Variants in KCNK13 observed in about 807,000 individuals in gnomAD.
KCNK13 encodes potassium two pore domain channel subfamily K member 13.
In KCNK13, 12 loss-of-function variants were observed where a neutral mutation model predicts 23.4. The ratio of observed to expected loss-of-function variants is 0.51; its 90% CI spans 0.33 to 0.83. The LOEUF (loss-of-function observed/expected upper bound fraction) is 0.83. Among genes scored for constraint, KCNK13 ranks in the 40% least tolerant of loss-of-function variants. The probability of loss-of-function intolerance (pLI) is 0.02; values close to 1 mark genes in which losing one functional copy is unlikely to be tolerated. For synonymous variants in KCNK13, 231 were observed against 229.5 expected (o/e 1.01, Z -0.06); for missense variants, 463 against 556.3 (o/e 0.83, Z 1.69).
In KCNK13 at chr14:90,066,270, A is replaced by AT. The variant is rs773031092; in HGVS notation, c.334+3738dup. Among the ~76,000 whole-genome samples the AT allele has an allele frequency of 2.3e-3, 322 of 142,690 alleles. 2 individuals carry two copies. Among genetic ancestry groups the AT allele is most frequent in the Non-Finnish European group, 2.1e-3 (139 of 65,880 alleles). The allele number at this position is 142,690 out of a possible 152,430, so 93.6% of individuals were successfully genotyped here. A position where few individuals can be genotyped will look rare whatever the true frequency, so the allele number is the denominator to read the frequency against. ...GGATTACAGGTGTGACCCACTTTTT[A>AT]TTTTTTTATTTTTTGAGGGAGTCTC... On this transcript the variant is annotated intron_variant, in intron 1 of 1. Transcript: ENST00000282146.
chr14:90,110,861 T>G (rs1451236481), intron 1 of KCNK13, among the ~76,000 whole-genome samples: 2 of 151,856 alleles, frequency 1.3e-5, no homozygotes, highest in African/African-American at 4.8e-5. Flanking sequence ...ATACAAAAAT[T>G]AGCTGGACAT....
chr14:90,104,803 T>C (rs1239745271), intron 1 of KCNK13, among the ~76,000 whole-genome samples: 1 of 148,610 alleles, frequency 6.7e-6, no homozygotes. Flanking sequence ...TTTTTTTTTT[T>C]TTTTTTGAGA....
At position 90,094,645 on chromosome 14, in the gene KCNK13, C is replaced by CTT. The variant is rs778654067; in HGVS notation, c.334+32127_334+32128dup. 5.6e-3 allele frequency among the ~76,000 whole-genome samples: 629 copies of CTT among 111,570 alleles called. 9 individuals carry two copies. Among genetic ancestry groups the CTT allele is most frequent in the African/African-American group, 0.011 (296 of 27,838 alleles). The allele number at this position is 111,570 out of a possible 152,430, so 73.2% of individuals were successfully genotyped here. On this transcript the variant is annotated intron_variant, in intron 1 of 1. Coordinates refer to ENST00000282146, the MANE Select transcript of KCNK13 (RefSeq NM_022054.4). ...ATTATCAGGGACTTTTCTTTTTTTT[C>CTT]TTTTTTTTTTTTTTTTTTTTTTGAG...
intron 1 of KCNK13, among the ~76,000 whole-genome samples, chr14:90,152,902 A>T (rs1040987435): frequency 6.6e-6 from 1 of 152,152 alleles, no homozygotes; most frequent in Non-Finnish European, 1.5e-5. Flanking sequence ...GGAGATCTGT[A>T]GCACAGGATC....
intron 1 of KCNK13, among the ~76,000 whole-genome samples, chr14:90,090,362 G>T (rs1297588377): frequency 6.6e-6 from 1 of 152,192 alleles, no homozygotes; most frequent in African/African-American, 2.4e-5. Context: ...CTTGCATGGG[G>T]CCTGTAACCC....
At chr14:90,121,411 A>G (rs1278758612) in intron 1 of KCNK13, among the ~76,000 whole-genome samples, 1 of 152,058 alleles carries the variant, frequency 6.6e-6, no homozygotes, top group African/African-American at 2.4e-5. Context: ...CCTTCTGGGG[A>G]GGGATGTTGT....
At chr14:90,112,279 GTTT>G (rs891297002) in intron 1 of KCNK13, among the ~76,000 whole-genome samples, 6 of 152,244 alleles carry the variant, frequency 3.9e-5, no homozygotes, top group African/African-American at 1.4e-4. Context: ...CTTTTAAAAA[GTTT>G]TTTTAAATGA....
intron 1 of KCNK13, among the ~76,000 whole-genome samples, chr14:90,091,517 A>G (rs1286332588): frequency 6.6e-6 from 1 of 152,156 alleles, no homozygotes; most frequent in Non-Finnish European, 1.5e-5. Context: ...GAAAAATAGC[A>G]TCTCTAAGGT....
At chr14:90,087,455 G>A (rs61996866) in intron 1 of KCNK13, among the ~76,000 whole-genome samples, 4,662 of 152,124 alleles carry the variant, frequency 0.031, 116 homozygotes, top group Non-Finnish European at 0.045. Flanking sequence ...GACTGCCAAA[G>A]GCTCCGGGTA....
chr14:90,161,995 G>A (rs1295416152), intron 1 of KCNK13, among the ~76,000 whole-genome samples: 3 of 152,094 alleles, frequency 2.0e-5, no homozygotes, highest in Non-Finnish European at 4.4e-5. Context: ...CCTGGGCAAT[G>A]TAACAAGACC....
chr14:90,104,066 G>A (rs1889514387), intron 1 of KCNK13, among the ~76,000 whole-genome samples: 3 of 152,116 alleles, frequency 2.0e-5, no homozygotes, highest in Non-Finnish European at 4.4e-5. Context: ...TGTTGGGCAG[G>A]AGTCAACTTC....
chr14:90,135,560 T>C (rs1199799803), intron 1 of KCNK13, among the ~76,000 whole-genome samples: 1 of 152,190 alleles, frequency 6.6e-6, no homozygotes, highest in Non-Finnish European at 1.5e-5. Flanking sequence ...ATATGGCAGA[T>C]GATTTTCACA....
chr14:90,113,688 T>C (rs1201261293), intron 1 of KCNK13, among the ~76,000 whole-genome samples: 2 of 152,192 alleles, frequency 1.3e-5, no homozygotes, highest in East Asian at 3.9e-4. Context: ...ATCCCAGCAC[T>C]TTGGGAGGCC....
At chr14:90,073,172 T>C (rs1398271664) in intron 1 of KCNK13, among the ~76,000 whole-genome samples, 2 of 152,144 alleles carry the variant, frequency 1.3e-5, no homozygotes, top group Non-Finnish European at 2.9e-5. Flanking sequence ...TCTTTTACAG[T>C]GTGGTGGCCC....
intron 1 of KCNK13, among the ~76,000 whole-genome samples, chr14:90,142,073 C>T (rs1890014687): frequency 1.3e-5 from 2 of 151,946 alleles, no homozygotes; most frequent in Admixed American, 1.3e-4. Flanking sequence ...AGGCATGAGC[C>T]ACCGTGCCCA....
chr14:90,184,968 A>T lies in KCNK13; in HGVS notation c.1192A>T (p.Asn398Tyr), dbSNP rs1221095050. The change falls in exon 2 of 2, where the codon AAC (asparagine) becomes TAC (tyrosine). Residue 398 changes from asparagine to tyrosine, a missense_variant. Coordinates refer to ENST00000282146, the MANE Select transcript of KCNK13 (RefSeq NM_022054.4). This position sits in a 1 kb window ranked among gnomAD's most constrained non-coding sequence, Gnocchi z 5.6. ...SGGVGAFAIM[N>Y]NRLAETSGDR ...GGGGGTGGGAGCCTTTGCAATCATG[A>T]ACAACAGGTTGGCAGAGACCAGTGG... 6.2e-7 allele frequency: 1 copy of T among 1,607,534 alleles called. No homozygotes were observed. The highest frequency in any genetic ancestry group is 8.5e-7 in the Non-Finnish European group (1 of 1,176,462).
intron 1 of KCNK13, among the ~76,000 whole-genome samples, chr14:90,066,638 G>A (rs1889013012): frequency 6.6e-6 from 1 of 152,140 alleles, no homozygotes. Context: ...GACAACAGAT[G>A]ATATTCACAA....
intron 1 of KCNK13, among the ~76,000 whole-genome samples, chr14:90,089,935 G>C (rs966415396): frequency 6.6e-6 from 1 of 152,236 alleles, no homozygotes; most frequent in Non-Finnish European, 1.5e-5. Context: ...CTAGATTTCC[G>C]AGGATGGTGG....
intron 1 of KCNK13, among the ~76,000 whole-genome samples, chr14:90,166,797 G>C: frequency 6.6e-6 from 1 of 152,146 alleles, no homozygotes; most frequent in Non-Finnish European, 1.5e-5. Flanking sequence ...GAGGCAGGGT[G>C]AGTCCTCCCC....
Sources: allele counts gnomAD v4.1 joint callset (sites outside exome capture counted in the v4.1 genomes callset), GRCh38; gene constraint gnomAD v4.1.1; non-coding constraint Gnocchi (gnomAD v3.1); transcripts MANE v1.5; gene names NCBI Gene and HGNC (gene_info 2026-07-23, HGNC 2026-07-21).